ME1: variants seen among roughly 807,000 people sequenced by gnomAD.
ME1 encodes the protein malic enzyme 1.
In ME1, 74 loss-of-function variants were observed where a neutral mutation model predicts 66.4. The observed-to-expected ratio is 1.11, with a 90% confidence interval of 0.92 to 1.35. The LOEUF (loss-of-function observed/expected upper bound fraction) is 1.35. Ranked by LOEUF, ME1 falls within the 40% of genes most tolerant of loss-of-function variation. The pLI, the probability that ME1 is intolerant of heterozygous loss-of-function variation, is 0.00. For missense variants in ME1, 750 were observed against 694.1 expected, an observed-to-expected ratio of 1.08 and a Z score of -0.90; for synonymous variants, 251 against 235.6, an observed-to-expected ratio of 1.07 and a Z score of -0.60.
chr6:83,428,359 G>A (rs959366503), intron 1 of ME1, among the ~76,000 whole-genome samples: 2 of 152,120 alleles, frequency 1.3e-5, no homozygotes, highest in Non-Finnish European at 2.9e-5. Context: ...GAAAAGTGAA[G>A]AAAATGTTAA....
At chr6:83,282,593 TA>T (rs1767318980) in intron 6 of ME1, among the ~76,000 whole-genome samples, 1 of 152,262 alleles carries the variant, frequency 6.6e-6, no homozygotes, top group African/African-American at 2.4e-5. Flanking sequence ...TGGCGATCAT[TA>T]AAAAGTCAGG....
chr6:83,390,358 C>G (rs1005623408), intron 3 of ME1, among the ~76,000 whole-genome samples: 2 of 152,120 alleles, frequency 1.3e-5, no homozygotes, highest in African/African-American at 4.8e-5. Flanking sequence ...TTCTGAATGT[C>G]TTAAAATACC....
intron 3 of ME1, among the ~76,000 whole-genome samples, chr6:83,374,823 G>A (rs1247600425): frequency 1.3e-5 from 2 of 152,150 alleles, no homozygotes; most frequent in South Asian, 4.1e-4. Flanking sequence ...TGGGTACCCA[G>A]TTTTCCCAGC....
At chr6:83,281,258 T>C in intron 6 of ME1, among the ~76,000 whole-genome samples, 1 of 152,188 alleles carries the variant, frequency 6.6e-6, no homozygotes, top group East Asian at 1.9e-4. Flanking sequence ...CATGGGTCTA[T>C]AGTGAATGAA....
chr6:83,232,629 T>C (rs141394345), intron 9 of ME1, among the ~76,000 whole-genome samples: 91 of 152,326 alleles, frequency 6.0e-4, no homozygotes, highest in African/African-American at 1.7e-3. Context: ...CCAGCTTACA[T>C]AGTCTATTTG....
At chr6:83,358,550 G>A (rs1178473170) in intron 3 of ME1, among the ~76,000 whole-genome samples, 3 of 152,196 alleles carry the variant, frequency 2.0e-5, no homozygotes, top group African/African-American at 7.2e-5. Context: ...TGGCTGACCT[G>A]CAATGAAAGG....
intron 3 of ME1, chr6:83,392,809 G>A (rs1036890805): frequency 3.7e-4 from 266 of 725,686 alleles, no homozygotes; most frequent in Non-Finnish European, 1.4e-4. Flanking sequence ...CCCCATGTTC[G>A]TGATGGGTGT....
chr6:83,369,050 A>C (rs1419131272), intron 3 of ME1, among the ~76,000 whole-genome samples: 1 of 152,180 alleles, frequency 6.6e-6, no homozygotes, highest in East Asian at 1.9e-4. Context: ...TCTGGGATAC[A>C]TGTGCAGAAT....
At chr6:83,302,002 C>T (rs1190996159) in intron 6 of ME1, among the ~76,000 whole-genome samples, 11 of 152,202 alleles carry the variant, frequency 7.2e-5, no homozygotes, top group African/African-American at 2.6e-4. Flanking sequence ...CACATGCACA[C>T]GTTGTTCACT....
At chr6:83,385,261 C>G (rs1030440606) in intron 3 of ME1, among the ~76,000 whole-genome samples, 3 of 151,918 alleles carry the variant, frequency 2.0e-5, no homozygotes, top group Non-Finnish European at 4.4e-5. Flanking sequence ...TTTAAAAATT[C>G]TTTATTTTTA....
At chr6:83,389,172 T>G (rs545832761) in intron 3 of ME1, among the ~76,000 whole-genome samples, 1 of 152,250 alleles carries the variant, frequency 6.6e-6, no homozygotes, top group South Asian at 2.1e-4. Flanking sequence ...GATTCCTTAG[T>G]GTGTCCAATT....
At chr6:83,298,057 T>C (rs1562473323) in intron 6 of ME1, among the ~76,000 whole-genome samples, 1 of 152,220 alleles carries the variant, frequency 6.6e-6, no homozygotes, top group Non-Finnish European at 1.5e-5. Context: ...GAATGATTTA[T>C]ATTGTTTTGG....
rs371487363 is a variant in ME1, at chr6:83,397,462, A to C, written c.362+905T>G. On this transcript the variant is annotated intron_variant, in intron 3 of 13. Transcript: ENST00000369705. ...CACTTGTTAGAACGGCTATACCAAA[A>C]AGATGAACAATAAGTATTGGCGAGG... 1.4e-4 allele frequency among the ~76,000 whole-genome samples: 22 copies of C among 152,340 alleles called. No homozygotes were observed. In the East Asian group the frequency reaches 3.9e-3, roughly 27 times the overall value.
At chr6:83,372,954 G>A (rs994533554) in intron 3 of ME1, among the ~76,000 whole-genome samples, 1 of 152,162 alleles carries the variant, frequency 6.6e-6, no homozygotes, top group African/African-American at 2.4e-5. Flanking sequence ...AATGTTTAGT[G>A]ATGTTGAATG....
intron 6 of ME1, among the ~76,000 whole-genome samples, chr6:83,270,669 T>G (rs1488432107): frequency 6.6e-6 from 1 of 152,160 alleles, no homozygotes; most frequent in Non-Finnish European, 1.5e-5. Flanking sequence ...GCATTCAAGT[T>G]CTCTGAACCC....
intron 1 of ME1, among the ~76,000 whole-genome samples, chr6:83,409,044 C>T (rs1295969460): frequency 2.0e-5 from 3 of 152,056 alleles, no homozygotes; most frequent in Non-Finnish European, 2.9e-5. Flanking sequence ...ATAAAAGGTA[C>T]CTCAGAGAGC....
intron 2 of ME1, among the ~76,000 whole-genome samples, chr6:83,406,971 T>TACACACACACACACACACACACACAC (rs59788379): frequency 2.1e-4 from 30 of 143,872 alleles, no homozygotes; most frequent in African/African-American, 7.5e-4. Context: ...TTTTCATTCA[T>TACACACACACACACACACACACACAC]ACACACACAC....
chr6:83,254,893 A>C (rs558801193), intron 6 of ME1, among the ~76,000 whole-genome samples: 8 of 152,194 alleles, frequency 5.3e-5, no homozygotes, highest in East Asian at 1.9e-4. Context: ...CTGATGTCAA[A>C]CCTCTCAGAA....
intron 6 of ME1, among the ~76,000 whole-genome samples, chr6:83,273,668 T>C (rs945752177): frequency 7.9e-5 from 12 of 152,210 alleles, no homozygotes; most frequent in African/African-American, 2.9e-4. Context: ...TTCAGATGAT[T>C]GAATTTACAG....
Sources: allele counts gnomAD v4.1 joint callset (sites outside exome capture counted in the v4.1 genomes callset), GRCh38; gene constraint gnomAD v4.1.1; transcripts MANE v1.5; gene names NCBI Gene and HGNC (gene_info 2026-07-23, HGNC 2026-07-21).